Variants in MAGI3 observed in about 807,000 individuals in gnomAD.
MAGI3 encodes membrane-associated guanylate kinase, WW and PDZ domain-containing protein 3.
A neutral mutation model predicts 121.8 loss-of-function variants in MAGI3; 43 were observed. The ratio of observed to expected loss-of-function variants is 0.35; its 90% CI spans 0.28 to 0.46. The LOEUF (loss-of-function observed/expected upper bound fraction) is 0.46. Ranked by LOEUF, MAGI3 falls within the 20% of genes least tolerant of loss-of-function variation. MAGI3 has a pLI of 1.00. For synonymous variants in MAGI3, 553 were observed against 639.3 expected (o/e 0.86, Z 2.04); for missense variants, 1,547 against 1,797.3 (o/e 0.86, Z 2.52).
chr1:113,639,545 G>T (rs932097819), intron 9 of MAGI3, among the ~76,000 whole-genome samples: 2 of 151,844 alleles, frequency 1.3e-5, no homozygotes, highest in Non-Finnish European at 2.9e-5. Context: ...GGGATTACAG[G>T]CGCACGCCAC....
chr1:113,552,699 T>G (rs1659834455), intron 2 of MAGI3, among the ~76,000 whole-genome samples: 1 of 152,180 alleles, frequency 6.6e-6, no homozygotes, highest in African/African-American at 2.4e-5. Flanking sequence ...TTTATTTTGT[T>G]TCATTTCACA....
chr1:113,585,283 CA>C, intron 3 of MAGI3, 103 bp from the exon 4 acceptor site: 1 of 1,101,830 alleles, frequency 9.1e-7, no homozygotes. Context: ...GTAGATATTT[CA>C]AAACTTCTTT....
chr1:113,583,364 A>G (rs12139005), intron 3 of MAGI3, among the ~76,000 whole-genome samples: 9,210 of 152,048 alleles, frequency 0.061, 388 homozygotes, highest in Non-Finnish European at 0.097. Context: ...CTTTTTAAAC[A>G]AGGAAACTGC....
At chr1:113,557,735 C>A (rs1472181480) in intron 2 of MAGI3, among the ~76,000 whole-genome samples, 1 of 152,210 alleles carries the variant, frequency 6.6e-6, no homozygotes, top group Non-Finnish European at 1.5e-5. Context: ...AGCAGCCACA[C>A]TGATGCCATT....
chr1:113,493,155 A>G (rs1419651292), intron 1 of MAGI3, among the ~76,000 whole-genome samples: 1 of 152,224 alleles, frequency 6.6e-6, no homozygotes, highest in Non-Finnish European at 1.5e-5. Flanking sequence ...ACAGGGCTAC[A>G]GTAACCAAAA....
chr1:113,641,055 TTATA>T lies in MAGI3; in HGVS notation c.1361-852_1361-849del, dbSNP rs1553211866. 3.7e-5 allele frequency among the ~76,000 whole-genome samples: 3 copies of T among 80,652 alleles called. 1 individual carries two copies. Among genetic ancestry groups the T allele is most frequent in the Non-Finnish European group, 7.1e-5 (3 of 42,218 alleles). The allele number at this position is 80,652 out of a possible 152,430, so 52.9% of individuals were successfully genotyped here. ...TGATATATATAATATATATGATATA[TTATA>T]TATGATATATATAATATATATGAGA... On this transcript the variant is annotated intron_variant, in intron 9 of 20. Transcript: ENST00000307546.
intron 9 of MAGI3, among the ~76,000 whole-genome samples, chr1:113,629,759 T>TCTCTCTCTCTCCCTCTCC (rs1651492140): frequency 9.9e-5 from 8 of 80,502 alleles, no homozygotes; most frequent in East Asian, 1.3e-3. Flanking sequence ...TCTCTCTCTC[T>TCTCTCTCTCTCCCTCTCC]CTCCCTCCCT....
chr1:113,681,675 C>T (rs1167056449), intron 20 of MAGI3, among the ~76,000 whole-genome samples: 1 of 152,156 alleles, frequency 6.6e-6, no homozygotes, highest in Non-Finnish European at 1.5e-5. Flanking sequence ...AATATCCCAG[C>T]TTTTTCTCTT....
intron 2 of MAGI3, among the ~76,000 whole-genome samples, chr1:113,556,170 A>G (rs187396255): frequency 2.6e-4 from 40 of 152,276 alleles, no homozygotes; most frequent in Non-Finnish European, 4.1e-4. Flanking sequence ...GAATCTTAAA[A>G]AGAAGGAGGA....
rs1010317914 is a variant in MAGI3, at chr1:113,589,232, T to C, written c.764-1252T>C. ...GAGATGAGGGATAAGGGAAAAGTAGTGGATGGTTTAAGGAGAAAGAAGGTA... is the reference window on the plus strand; with the variant it reads ...GAGATGAGGGATAAGGGAAAAGTAGCGGATGGTTTAAGGAGAAAGAAGGTA... On this transcript the variant is annotated intron_variant, in intron 4 of 20. Transcript: ENST00000307546. 7.9e-5 allele frequency among the ~76,000 whole-genome samples: 12 copies of C among 152,080 alleles called. No homozygotes were observed. The East Asian group carries it at 2.3e-3, about 29-fold the overall frequency.
chr1:113,552,395 T>A (rs534423430), intron 2 of MAGI3, among the ~76,000 whole-genome samples: 132 of 152,328 alleles, frequency 8.7e-4, no homozygotes, highest in Non-Finnish European at 1.5e-3. Flanking sequence ...TATCTAACTG[T>A]TTTTGGCATA....
At chr1:113,558,899 G>T (rs1660103722) in intron 2 of MAGI3, among the ~76,000 whole-genome samples, 1 of 152,048 alleles carries the variant, frequency 6.6e-6, no homozygotes, top group Non-Finnish European at 1.5e-5. Context: ...AGAAGAGATT[G>T]GGGCCAGTAG....
intron 3 of MAGI3, among the ~76,000 whole-genome samples, chr1:113,582,840 A>G (rs1172181440): frequency 2.1e-5 from 3 of 140,050 alleles, no homozygotes. Flanking sequence ...TAGATGATGT[A>G]TATATAAATA....
intron 1 of MAGI3, among the ~76,000 whole-genome samples, chr1:113,449,520 G>A (rs1179973426): frequency 2.0e-5 from 3 of 152,128 alleles, no homozygotes; most frequent in Admixed American, 6.5e-5. Context: ...TTTCCAGACC[G>A]TTGGAGACGA....
intron 1 of MAGI3, among the ~76,000 whole-genome samples, chr1:113,434,831 C>G (rs1405392267): frequency 6.6e-6 from 1 of 152,196 alleles, no homozygotes; most frequent in Non-Finnish European, 1.5e-5. Flanking sequence ...AAACTTACTG[C>G]AAGTGCAGTA....
intron 1 of MAGI3, among the ~76,000 whole-genome samples, chr1:113,434,839 G>A (rs543393445): frequency 6.6e-6 from 1 of 152,326 alleles, no homozygotes; most frequent in Non-Finnish European, 1.5e-5. Flanking sequence ...TGCAAGTGCA[G>A]TATTTTTAAT....
chr1:113,602,078 G>C (rs558947797), intron 6 of MAGI3, among the ~76,000 whole-genome samples: 3 of 124,960 alleles, frequency 2.4e-5, no homozygotes, highest in East Asian at 4.0e-4. Context: ...GCTGTGGGGT[G>C]GGGGGAGTGG....
chr1:113,392,296 G>C (rs752138283), intron 1 of MAGI3, among the ~76,000 whole-genome samples: 5 of 152,192 alleles, frequency 3.3e-5, no homozygotes, highest in Non-Finnish European at 5.9e-5. Context: ...AATTGTGATT[G>C]TAACATTATT....
intron 1 of MAGI3, among the ~76,000 whole-genome samples, chr1:113,396,065 C>A (rs531490785): frequency 6.6e-6 from 1 of 151,862 alleles, no homozygotes; most frequent in Admixed American, 6.6e-5. Flanking sequence ...TGTAAACTGG[C>A]GACAAAACAA....
Sources: allele counts gnomAD v4.1 joint callset (sites outside exome capture counted in the v4.1 genomes callset), GRCh38; gene constraint gnomAD v4.1.1; transcripts MANE v1.5; gene names NCBI Gene and HGNC (gene_info 2026-07-23, HGNC 2026-07-21).